Variants in LHX4 observed in about 807,000 individuals in gnomAD.
The protein encoded by LHX4 is LIM/homeobox protein Lhx4.
Under a neutral mutation model 39.2 loss-of-function variants are expected in LHX4, and 16 were observed. The observed-to-expected ratio is 0.41, with a 90% CI of 0.28 to 0.62. LHX4 has a LOEUF of 0.62. Among genes scored for constraint, LHX4 ranks in the 20% least tolerant of loss-of-function variants. The pLI is 0.33. For missense variants in LHX4, 439 were observed against 511.9 expected, an observed-to-expected ratio of 0.86 and a Z score of 1.37; for synonymous variants, 206 against 198.1, an observed-to-expected ratio of 1.04 and a Z score of -0.33.
chr1:180,230,533 A>G lies in LHX4; in HGVS notation c.4A>G (p.Met2Val), dbSNP rs759855950. ...ACTCGCTGGCTTTCGCTCCGAGATG[A>G]TGCAGAGTGCGACTGTCCCCGCGGA... M[M>V]QSATVPAEGA... Residue 2 changes from methionine (M) to valine (V), a missense_variant, in exon 1 of 6, where the codon ATG becomes GTG. Coordinates refer to ENST00000263726, the MANE Select transcript of LHX4 (RefSeq NM_033343.4). The surrounding 1 kb of genome is among the most constrained non-coding windows in gnomAD (Gnocchi z 5.8). The G allele has an allele frequency of 6.2e-6, 10 of 1,613,682 alleles. No individual in the cohort carries two copies. The highest frequency in any genetic ancestry group is 6.8e-6 in the Non-Finnish European group (8 of 1,179,838).
In LHX4 at chr1:180,234,921, C is replaced by T. The variant is rs1039564496; in HGVS notation, c.76+4316C>T. Among the ~76,000 whole-genome samples the T allele has an allele frequency of 6.6e-6, 1 of 152,228 alleles. No homozygotes were observed. The highest frequency in any genetic ancestry group is 1.5e-5 in the Non-Finnish European group (1 of 68,042). ...CCTCCGCCCCGCGGGCAGATGCCGG[C>T]CTGGGTGGCCCGGGGAACAGACGAT... On this transcript the variant is annotated intron_variant, in intron 1 of 5. Transcript: ENST00000263726. This position sits in a 1 kb window ranked among gnomAD's most constrained non-coding sequence, Gnocchi z 4.8.
At chr1:180,264,178 C>G (rs1305655291) in intron 2 of LHX4, among the ~76,000 whole-genome samples, 1 of 152,158 alleles carries the variant, frequency 6.6e-6, no homozygotes, top group Non-Finnish European at 1.5e-5. Flanking sequence ...ATTGCCCAGG[C>G]TGGGCTCAAG....
intron 2 of LHX4, among the ~76,000 whole-genome samples, chr1:180,252,802 G>T (rs1647685112): frequency 6.6e-6 from 1 of 152,212 alleles, no homozygotes; most frequent in Admixed American, 6.5e-5. Context: ...GGCGATCCTG[G>T]TAACTGGCAG....
rs890625497 is a variant in LHX4, at chr1:180,230,613, A to AC, written c.76+14dup. Reference sequence around the variant, plus strand: ...TAGGTGTGCCGATGCAACGTAAGACACCCCCCTTTCTCGCTGATTTAATTC... The same window carrying AC: ...TAGGTGTGCCGATGCAACGTAAGACACCCCCCCTTTCTCGCTGATTTAATTC... On this transcript the variant is annotated intron_variant, in intron 1 of 5. Coordinates refer to ENST00000263726, the MANE Select transcript of LHX4 (RefSeq NM_033343.4). The surrounding 1 kb of genome is among the most constrained non-coding windows in gnomAD (Gnocchi z 5.8). The AC allele has an allele frequency of 3.7e-6, 6 of 1,610,586 alleles. No individual in the cohort carries two copies. The highest frequency in any genetic ancestry group is 1.3e-5 in the African/African-American group (1 of 74,530).
rs1179016944 is a variant in LHX4 at position 180,275,550 on chromosome 1, A to ATTTGGAGTCTGTT, written c.*974_*986dup. 2.0e-5 allele frequency: 3 copies of ATTTGGAGTCTGTT among 152,188 alleles called. No homozygotes were observed. The highest frequency in any genetic ancestry group is 4.4e-5 in the Non-Finnish European group (3 of 68,046). The allele number at this position is 152,188 out of a possible 1,614,324, so 9.4% of individuals were successfully genotyped here. A position where few individuals can be genotyped will look rare whatever the true frequency, so the allele number is the denominator to read the frequency against. ...TTCCCCATCCCTTGTAGGGTGAAATATTTGGAGTCTGTTTTGAAGGAGTTG... is the reference window on the plus strand; with the variant it reads ...TTCCCCATCCCTTGTAGGGTGAAATATTTGGAGTCTGTTTTTGGAGTCTGTTTTGAAGGAGTTG... On this transcript the variant is annotated 3_prime_UTR_variant, in exon 6 of 6. Transcript: ENST00000263726.
intron 2 of LHX4, among the ~76,000 whole-genome samples, chr1:180,258,709 C>T (rs4454504): frequency 0.073 from 11,059 of 152,106 alleles, 450 homozygotes; most frequent in African/African-American, 0.079. Flanking sequence ...GAGGCTGAGG[C>T]GGGAGGATCT....
intron 2 of LHX4, among the ~76,000 whole-genome samples, chr1:180,257,191 T>A (rs550855924): frequency 1.3e-5 from 2 of 152,290 alleles, no homozygotes; most frequent in South Asian, 4.1e-4. Flanking sequence ...AGCTGTGTGA[T>A]CTTGGGCAAG....
At chr1:180,230,205 C>A (rs948005000), upstream of LHX4, 14 of 422,760 alleles carry the variant, frequency 3.3e-5, no homozygotes, top group African/African-American at 2.5e-4. This position sits in a 1 kb window ranked among gnomAD's most constrained non-coding sequence, Gnocchi z 5.8. Flanking sequence ...GCGGCCGGCA[C>A]GCGAAGGGTG....
rs2149251011 is a variant in LHX4, at chr1:180,232,210, G to A, written c.76+1605G>A. 6.6e-6 allele frequency among the ~76,000 whole-genome samples: 1 copy of A among 152,288 alleles called. No individual in the cohort carries two copies. The highest frequency in any genetic ancestry group is 1.5e-5 in the Non-Finnish European group (1 of 68,026). Reference sequence around the variant, plus strand: ...GAGTGAGGAGACTGCATGAGTGGGGGAAGGGTGTGTGTGTGTTACTAGTGT... The same window carrying A: ...GAGTGAGGAGACTGCATGAGTGGGGAAAGGGTGTGTGTGTGTTACTAGTGT... On this transcript the variant is annotated intron_variant, in intron 1 of 5. Coordinates refer to ENST00000263726, the MANE Select transcript of LHX4 (RefSeq NM_033343.4). This position sits in a 1 kb window ranked among gnomAD's most constrained non-coding sequence, Gnocchi z 5.4.
chr1:180,260,282 C>T (rs568220866), intron 2 of LHX4, among the ~76,000 whole-genome samples: 7 of 151,864 alleles, frequency 4.6e-5, no homozygotes, highest in Middle Eastern at 3.4e-3. Flanking sequence ...GTACATCATG[C>T]GGGTCTGCTC....
chr1:180,261,020 G>C (rs1398191589), intron 2 of LHX4, among the ~76,000 whole-genome samples: 1 of 151,878 alleles, frequency 6.6e-6, no homozygotes, highest in South Asian at 2.1e-4. Context: ...GTGTGATGGC[G>C]ACAGCAAGTG....
intron 1 of LHX4, among the ~76,000 whole-genome samples, chr1:180,245,938 A>C (rs1170870683): frequency 6.6e-6 from 1 of 152,144 alleles, no homozygotes; most frequent in Non-Finnish European, 1.5e-5. Flanking sequence ...TGCTGGGCAC[A>C]GTGGAACTCC....
chr1:180,261,788 C>T (rs577761257), intron 2 of LHX4, among the ~76,000 whole-genome samples: 19 of 152,220 alleles, frequency 1.2e-4, no homozygotes, highest in African/African-American at 2.4e-5. Context: ...TCCATATCAG[C>T]TCGCTCACGC....
chr1:180,258,180 G>A (rs1647949693), intron 2 of LHX4, among the ~76,000 whole-genome samples: 1 of 152,232 alleles, frequency 6.6e-6, no homozygotes, highest in Admixed American at 6.5e-5. Flanking sequence ...CGCATCTACT[G>A]AGATGAGTGC....
chr1:180,232,920 G>C lies in LHX4; in HGVS notation c.76+2315G>C, dbSNP rs139268607. Among the ~76,000 whole-genome samples, 874 of 152,268 alleles carry C rather than the reference G, an allele frequency of 5.7e-3. 1 individual carries two copies. Among genetic ancestry groups the C allele is most frequent in the Middle Eastern group, 0.01 (3 of 294 alleles). ...CTAGAGGAGGGGAGACAAAAGAAAC[G>C]CTCTCCCACAGGGGTCCCTCCAGTC... On this transcript the variant is annotated intron_variant, in intron 1 of 5. Transcript: ENST00000263726. The surrounding 1 kb of genome is among the most constrained non-coding windows in gnomAD (Gnocchi z 5.4).
chr1:180,265,031 C>T (rs1470089243), intron 2 of LHX4, among the ~76,000 whole-genome samples: 1 of 152,204 alleles, frequency 6.6e-6, no homozygotes, highest in East Asian at 1.9e-4. Context: ...CCCCCATAAC[C>T]CCCTCAGCAG....
At chr1:180,267,428 C>T (rs566051443) in intron 3 of LHX4, among the ~76,000 whole-genome samples, 9 of 152,378 alleles carry the variant, frequency 5.9e-5, no homozygotes, top group Non-Finnish European at 1.3e-4. Flanking sequence ...GGGGACTTTC[C>T]AGCGTAGAGC....
At chr1:180,257,081 G>A (rs894175511) in intron 2 of LHX4, among the ~76,000 whole-genome samples, 28 of 152,324 alleles carry the variant, frequency 1.8e-4, no homozygotes, top group Admixed American at 3.9e-4. Flanking sequence ...TGCACGTCCC[G>A]TTGCCTCTTC....
At chr1:180,273,553 T>C (rs1399398987) in intron 5 of LHX4, 2 of 152,526 alleles carry the variant, frequency 1.3e-5, no homozygotes, top group Non-Finnish European at 2.9e-5. Flanking sequence ...AAGATTCCAT[T>C]AGATCCCCTT....
Sources: gnomAD v4.1 joint callset for allele counts (sites outside exome capture counted in the v4.1 genomes callset) on GRCh38, gnomAD v4.1.1 for gene constraint, Gnocchi (gnomAD v3.1) non-coding constraint, MANE v1.5 for transcripts, NCBI Gene and HGNC (gene_info 2026-07-23, HGNC 2026-07-21) for gene names.